The following TMEM87B variants were observed in gnomAD, a reference collection of about 807,000 sequenced individuals.
The protein encoded by TMEM87B is transmembrane protein 87B.
Under a neutral mutation model 80.3 loss-of-function variants are expected in TMEM87B, and 83 were observed. That is an observed-to-expected ratio of 1.03 (90% CI 0.87 to 1.24). The LOEUF (loss-of-function observed/expected upper bound fraction) is 1.24, where lower values mean the gene tolerates loss of function less well. Among genes scored for constraint, TMEM87B ranks in the 50% most tolerant of loss-of-function variants. The probability of loss-of-function intolerance (pLI) is 0.00; values close to 1 mark genes in which losing one functional copy is unlikely to be tolerated. For missense variants in TMEM87B, 625 were observed against 674.4 expected (o/e 0.93, Z 0.81); for synonymous variants, 219 against 230.5 (o/e 0.95, Z 0.45).
chr2:112,074,765 G>A, intron 4 of TMEM87B, 147 bp from the exon 5 acceptor site: 1 of 1,052,374 alleles, frequency 9.5e-7, no homozygotes, highest in Non-Finnish European at 1.3e-6. Flanking sequence ...TTTGTTACTT[G>A]TGTTTGGGAT....
chr2:112,063,028 C>T (rs972750746), intron 2 of TMEM87B, among the ~76,000 whole-genome samples: 1 of 152,180 alleles, frequency 6.6e-6, no homozygotes, highest in African/African-American at 2.4e-5. Flanking sequence ...GAAAATCTAC[C>T]AGCCTCAGTT....
At chr2:112,077,327 T>G in intron 6 of TMEM87B, 45 bp downstream of exon 6, 1 of 1,094,504 alleles carries the variant, frequency 9.1e-7, no homozygotes, top group South Asian at 1.6e-5. Context: ...ATTTTCTGTA[T>G]TCTGTATTTT....
chr2:112,079,435 G>C (rs566380179), intron 6 of TMEM87B, among the ~76,000 whole-genome samples: 1 of 152,270 alleles, frequency 6.6e-6, no homozygotes. Context: ...TGTTGCAAAT[G>C]ACAGAATTTT....
chr2:112,086,536 C>T (rs1050088147), intron 9 of TMEM87B, among the ~76,000 whole-genome samples: 7 of 152,182 alleles, frequency 4.6e-5, no homozygotes, highest in African/African-American at 1.4e-4. Flanking sequence ...CCTTCTCCGG[C>T]GGGTCTTTTC....
At chr2:112,079,440 A>C (rs1485404546) in intron 6 of TMEM87B, among the ~76,000 whole-genome samples, 2 of 152,176 alleles carry the variant, frequency 1.3e-5, no homozygotes, top group Non-Finnish European at 2.9e-5. Context: ...CAAATGACAG[A>C]ATTTTCTTCT....
chr2:112,112,068 A>C (rs1679933019), intron 17 of TMEM87B, among the ~76,000 whole-genome samples: 1 of 152,088 alleles, frequency 6.6e-6, no homozygotes, highest in Admixed American at 6.6e-5. Context: ...CCTCACACCT[A>C]GTCAGTCTCC....
chr2:112,094,655 G>A (rs766765808), intron 11 of TMEM87B, among the ~76,000 whole-genome samples: 9 of 152,082 alleles, frequency 5.9e-5, no homozygotes, highest in Non-Finnish European at 1.3e-4. Flanking sequence ...GATTGGGGTA[G>A]GAAAATAAGG....
chr2:112,065,638 G>A (rs1573683531), intron 3 of TMEM87B, among the ~76,000 whole-genome samples: 3 of 105,084 alleles, frequency 2.9e-5, no homozygotes, highest in African/African-American at 1.3e-4. Flanking sequence ...GTGAGACCTT[G>A]TCTTCAAAAA....
chr2:112,056,988 C>A (rs1007177328), intron 1 of TMEM87B, among the ~76,000 whole-genome samples: 1 of 152,320 alleles, frequency 6.6e-6, no homozygotes, highest in Admixed American at 6.5e-5. Flanking sequence ...TGTTGGATTA[C>A]TTGAACATAT....
intron 8 of TMEM87B, 80 bp from the exon 9 acceptor site, chr2:112,085,925 C>G: frequency 8.7e-7 from 1 of 1,148,114 alleles, no homozygotes; most frequent in South Asian, 1.4e-5. Flanking sequence ...TAGTTATACA[C>G]AGGACATGTT....
chr2:112,082,745 T>C (rs935677260), intron 8 of TMEM87B, among the ~76,000 whole-genome samples: 19 of 151,606 alleles, frequency 1.3e-4, no homozygotes, highest in African/African-American at 4.4e-4. Context: ...CTGCTTAGAA[T>C]TGAAGCATTC....
intron 11 of TMEM87B, chr2:112,095,157 C>A (rs896345993): frequency 1.3e-6 from 1 of 758,024 alleles, no homozygotes; most frequent in African/African-American, 3.8e-5. Flanking sequence ...CTTTTCTTTT[C>A]TTTCTTTCTT....
Position 112,116,327 on chromosome 2 carries a change from C to T in TMEM87B, c.*184C>T, listed in dbSNP as rs1680024462. ...CCTTTTAAAGCTGACTCTTGAGTGT[C>T]AGTTGAATATCCATTAAATTGGATT... On this transcript the variant is annotated 3_prime_UTR_variant, in exon 19 of 19. Coordinates refer to ENST00000283206, the MANE Select transcript of TMEM87B (RefSeq NM_032824.3). The T allele has an allele frequency of 1.1e-5, 6 of 539,852 alleles. No individual in the cohort carries two copies. In the East Asian group the frequency reaches 1.8e-4, roughly 16 times the overall value. The allele number at this position is 539,852 out of a possible 1,614,324, so 33.4% of individuals were successfully genotyped here. A position where few individuals can be genotyped will look rare whatever the true frequency, so the allele number is the denominator to read the frequency against.
chr2:112,062,440 T>A (rs1055707272), intron 2 of TMEM87B, among the ~76,000 whole-genome samples: 1 of 152,228 alleles, frequency 6.6e-6, no homozygotes, highest in Non-Finnish European at 1.5e-5. Context: ...CCATTCATGA[T>A]AGAAACTCAA....
At chr2:112,096,761 T>C (rs1483331946) in intron 11 of TMEM87B, among the ~76,000 whole-genome samples, 1 of 152,276 alleles carries the variant, frequency 6.6e-6, no homozygotes, top group Non-Finnish European at 1.5e-5. Flanking sequence ...CTATCCCGTG[T>C]TGCGGGTGCA....
intron 6 of TMEM87B, 150 bp from the exon 7 acceptor site, chr2:112,080,905 CAA>C (rs1678976198): frequency 1.6e-6 from 1 of 639,306 alleles, no homozygotes; most frequent in African/African-American, 1.8e-5. Context: ...CATAATCAAA[CAA>C]ATACTAATTG....
intron 15 of TMEM87B, among the ~76,000 whole-genome samples, chr2:112,104,421 A>C (rs1157399439): frequency 1.3e-5 from 2 of 152,216 alleles, no homozygotes; most frequent in Admixed American, 6.5e-5. Flanking sequence ...TAGTGTAGAC[A>C]CTTCAAAGAA....
chr2:112,063,260 T>C (rs1678311421), intron 2 of TMEM87B, among the ~76,000 whole-genome samples: 1 of 152,220 alleles, frequency 6.6e-6, no homozygotes, highest in South Asian at 2.1e-4. Context: ...GCATCTTTGC[T>C]CTCTCTAATC....
At chr2:112,094,874 T>C (rs554415541) in intron 11 of TMEM87B, among the ~76,000 whole-genome samples, 55 of 152,178 alleles carry the variant, frequency 3.6e-4, no homozygotes, top group Admixed American at 3.9e-4. Context: ...AAATGAAATG[T>C]CTGCTTTTTC....
Sources: allele counts gnomAD v4.1 joint callset (sites outside exome capture counted in the v4.1 genomes callset), GRCh38; gene constraint gnomAD v4.1.1; transcripts MANE v1.5; gene names NCBI Gene and HGNC (gene_info 2026-07-23, HGNC 2026-07-21).